Variants in LPP observed in about 807,000 individuals in gnomAD.
LPP encodes the protein LIM domain containing preferred translocation partner in lipoma.
A neutral mutation model predicts 60.4 loss-of-function variants in LPP; 38 were observed. That is an observed-to-expected ratio of 0.63 (90% CI 0.49 to 0.83). The LOEUF is 0.83. Among genes scored for constraint, LPP ranks in the 40% least tolerant of loss-of-function variants. LPP has a pLI of 0.00. For synonymous variants in LPP, 328 were observed against 290.8 expected (o/e 1.13, Z -1.30); for missense variants, 902 against 783.6 (o/e 1.15, Z -1.80).
intron 6 of LPP, among the ~76,000 whole-genome samples, chr3:188,555,884 A>G (rs1829346199): frequency 6.6e-6 from 1 of 152,220 alleles, no homozygotes; most frequent in African/African-American, 2.4e-5. Flanking sequence ...TTGAGCCTGG[A>G]TCATATCACC....
chr3:188,480,231 C>T, intron 4 of LPP, among the ~76,000 whole-genome samples: 1 of 152,206 alleles, frequency 6.6e-6, no homozygotes. Context: ...AGTAAATTGG[C>T]AGTAAGTAGT....
At chr3:188,861,309 G>T (rs1014128686) in intron 9 of LPP, among the ~76,000 whole-genome samples, 2 of 152,032 alleles carry the variant, frequency 1.3e-5, no homozygotes, top group Non-Finnish European at 2.9e-5. Flanking sequence ...TAGATCATGA[G>T]ATGTCACTCC....
intron 8 of LPP, among the ~76,000 whole-genome samples, chr3:188,751,911 G>A (rs73196777): frequency 0.051 from 7,730 of 152,146 alleles, 230 homozygotes; most frequent in Non-Finnish European, 0.07. Context: ...AATTTCTACC[G>A]AAAAATTCCA....
intron 5 of LPP, among the ~76,000 whole-genome samples, chr3:188,515,307 C>T (rs1021223438): frequency 1.3e-4 from 20 of 152,144 alleles, no homozygotes; most frequent in African/African-American, 3.6e-4. Flanking sequence ...TTCCTCCTCT[C>T]GCCATATGAC....
At chr3:188,403,308 C>T (rs1171461117) in intron 3 of LPP, among the ~76,000 whole-genome samples, 1 of 152,196 alleles carries the variant, frequency 6.6e-6, no homozygotes, top group Admixed American at 6.5e-5. Flanking sequence ...ATGATACAGT[C>T]AGTCAGTAAC....
intron 2 of LPP, among the ~76,000 whole-genome samples, chr3:188,225,811 G>A (rs1025649995): frequency 6.6e-6 from 1 of 152,188 alleles, no homozygotes; most frequent in African/African-American, 2.4e-5. Flanking sequence ...GAGTAACGAT[G>A]ATTTCAGGTT....
chr3:188,648,315 C>A (rs897110959), intron 7 of LPP, among the ~76,000 whole-genome samples: 1 of 152,142 alleles, frequency 6.6e-6, no homozygotes, highest in Non-Finnish European at 1.5e-5. Context: ...ATGCCTTACT[C>A]CCACTCCATA....
At chr3:188,499,143 A>G (rs754944501) in intron 5 of LPP, among the ~76,000 whole-genome samples, 4 of 152,094 alleles carry the variant, frequency 2.6e-5, no homozygotes, top group Admixed American at 6.5e-5. Flanking sequence ...TTTAATTTTT[A>G]TGAAATTCAA....
intron 6 of LPP, among the ~76,000 whole-genome samples, chr3:188,602,916 ATACT>A (rs1238370422): frequency 6.6e-6 from 1 of 151,736 alleles, no homozygotes; most frequent in East Asian, 1.9e-4. Flanking sequence ...CTTCCTAGTG[ATACT>A]TACATTTGCC....
At chr3:188,607,464 G>T (rs1842752060) in intron 6 of LPP, among the ~76,000 whole-genome samples, 1 of 139,510 alleles carries the variant, frequency 7.2e-6, no homozygotes, top group Non-Finnish European at 1.6e-5. Context: ...CACGGGAGCT[G>T]GAAGGGGTAG....
intron 8 of LPP, 88 bp from the exon 9 acceptor site, chr3:188,760,025 C>A: frequency 1.8e-6 from 2 of 1,133,718 alleles, no homozygotes; most frequent in Non-Finnish European, 1.3e-6. Flanking sequence ...TTGCTGCTGA[C>A]GTTATGAACC....
Position 188,881,408 on chromosome 3 carries a change from A to C in LPP, c.*6929A>C, listed in dbSNP as rs911572723. 3.4e-5 allele frequency: 7 copies of C among 204,622 alleles called. No individual in the cohort carries two copies. Among genetic ancestry groups the C allele is most frequent in the Admixed American group, 6.0e-5 (1 of 16,780 alleles). 12.7% of individuals were successfully genotyped at this position (204,622 alleles called of 1,614,324 possible). The stretch of plus-strand genomic sequence containing the variant: ...CTATCACTCTCTGCTGCTTCTTTAA[A>C]CAGTGGACACAAACATATTTTCTAA... On this transcript the variant is annotated 3_prime_UTR_variant, in exon 12 of 12. Transcript: ENST00000617246.
intron 4 of LPP, among the ~76,000 whole-genome samples, chr3:188,447,868 G>T (rs2149320112): frequency 6.6e-6 from 1 of 152,128 alleles, no homozygotes; most frequent in South Asian, 2.1e-4. Context: ...TACCATCAGT[G>T]CTATTTCTAT....
intron 8 of LPP, among the ~76,000 whole-genome samples, chr3:188,746,988 C>T (rs1726430112): frequency 6.6e-6 from 1 of 152,100 alleles, no homozygotes; most frequent in Non-Finnish European, 1.5e-5. Flanking sequence ...TGTGTTTATC[C>T]TATAAAATTT....
intron 2 of LPP, among the ~76,000 whole-genome samples, chr3:188,250,758 C>CT (rs1353229857): frequency 7.8e-5 from 9 of 116,042 alleles, no homozygotes; most frequent in Non-Finnish European, 1.4e-4. Context: ...TTCTTTCTTT[C>CT]TTTCTTTCTT....
At chr3:188,700,117 A>G (rs1864091650) in intron 7 of LPP, among the ~76,000 whole-genome samples, 1 of 152,196 alleles carries the variant, frequency 6.6e-6, no homozygotes, top group African/African-American at 2.4e-5. Flanking sequence ...ACATCACTAC[A>G]AATGGACAAG....
intron 9 of LPP, among the ~76,000 whole-genome samples, chr3:188,860,240 G>C (rs529337912): frequency 1.3e-5 from 2 of 152,188 alleles, no homozygotes; most frequent in Admixed American, 1.3e-4. Context: ...AATCAAGGTA[G>C]AGAATAAGTT....
intron 5 of LPP, among the ~76,000 whole-genome samples, chr3:188,510,039 G>C (rs1190312733): frequency 6.6e-6 from 1 of 151,856 alleles, no homozygotes; most frequent in African/African-American, 2.4e-5. Context: ...TTAATACGAG[G>C]TACTAAACTG....
intron 5 of LPP, among the ~76,000 whole-genome samples, chr3:188,512,488 G>A (rs1044800996): frequency 1.1e-5 from 1 of 91,704 alleles, no homozygotes; most frequent in African/African-American, 2.9e-5. Flanking sequence ...GGAGACGGAG[G>A]TTTCAATGAG....
Sources: gnomAD v4.1 joint callset for allele counts (sites outside exome capture counted in the v4.1 genomes callset) on GRCh38, gnomAD v4.1.1 for gene constraint, MANE v1.5 for transcripts, NCBI Gene and HGNC (gene_info 2026-07-23, HGNC 2026-07-21) for gene names.